EYA1: variants seen among roughly 807,000 people sequenced by gnomAD.
The protein encoded by EYA1 is protein phosphatase EYA1.
In EYA1, 16 loss-of-function variants were observed where a neutral mutation model predicts 82.0. The ratio of observed to expected loss-of-function variants is 0.20; its 90% confidence interval spans 0.13 to 0.30. EYA1 has a LOEUF of 0.30. EYA1 is among the 10% of genes least tolerant of loss of function. The pLI is 1.00. For synonymous variants in EYA1, 261 were observed against 264.4 expected, an observed-to-expected ratio of 0.99 and a Z score of 0.12; for missense variants, 633 against 730.7, an observed-to-expected ratio of 0.87 and a Z score of 1.54.
intron 2 of EYA1, among the ~76,000 whole-genome samples, chr8:71,487,427 C>T (rs893440378): frequency 3.9e-5 from 6 of 152,168 alleles, no homozygotes; most frequent in African/African-American, 1.4e-4. Flanking sequence ...CATACAATCA[C>T]AGCCTTATTC....
At chr8:71,297,168 A>C (rs963986495) in intron 9 of EYA1, among the ~76,000 whole-genome samples, 2 of 152,196 alleles carry the variant, frequency 1.3e-5, no homozygotes, top group Non-Finnish European at 2.9e-5. Flanking sequence ...TTACTTTTAC[A>C]ATACAAGCTA....
intron 2 of EYA1, among the ~76,000 whole-genome samples, chr8:71,522,270 T>C (rs1452887163): frequency 6.6e-6 from 1 of 152,176 alleles, no homozygotes; most frequent in Non-Finnish European, 1.5e-5. Flanking sequence ...CACTAGGTAA[T>C]AAATCATGAA....
At chr8:71,200,392 T>C (rs906071488) in intron 17 of EYA1, among the ~76,000 whole-genome samples, 1 of 152,182 alleles carries the variant, frequency 6.6e-6, no homozygotes, top group African/African-American at 2.4e-5. Context: ...TAGGTGACAG[T>C]GAAAGCCATG....
chr8:71,415,486 C>T (rs1267735102), intron 2 of EYA1, among the ~76,000 whole-genome samples: 2 of 152,190 alleles, frequency 1.3e-5, no homozygotes, highest in Non-Finnish European at 2.9e-5. Flanking sequence ...ACACAGAGAG[C>T]TAGTAAGGGT....
intron 12 of EYA1, among the ~76,000 whole-genome samples, chr8:71,218,522 A>G (rs1809487631): frequency 6.6e-6 from 1 of 152,124 alleles, no homozygotes; most frequent in African/African-American, 2.4e-5. Context: ...AAGGAGGAAA[A>G]GACTTTGACC....
At chr8:71,449,136 ACTTTC>A (rs1218712863) in intron 2 of EYA1, 23 of 165,278 alleles carry the variant, frequency 1.4e-4, no homozygotes, top group African/African-American at 5.3e-4. Context: ...TTTGGATTCT[ACTTTC>A]CTAGCTGGGA....
chr8:71,437,361 G>A (rs1017539034), intron 2 of EYA1, among the ~76,000 whole-genome samples: 1 of 151,838 alleles, frequency 6.6e-6, no homozygotes, highest in Non-Finnish European at 1.5e-5. Context: ...AGAAAGAGCA[G>A]AGTTCAAATT....
chr8:71,351,328 C>T (rs1373928234), intron 3 of EYA1, among the ~76,000 whole-genome samples: 1 of 152,166 alleles, frequency 6.6e-6, no homozygotes, highest in African/African-American at 2.4e-5. Context: ...CAAAAATATG[C>T]ATTAATTCAT....
At chr8:71,235,971 C>G (rs11785843) in intron 12 of EYA1, among the ~76,000 whole-genome samples, 61,473 of 152,028 alleles carry the variant, frequency 0.4, 13,912 homozygotes, top group African/African-American at 0.61. Flanking sequence ...AATATATCGT[C>G]GTGGCTTTTA....
chr8:71,385,311 A>C (rs1828915585), intron 2 of EYA1, among the ~76,000 whole-genome samples: 1 of 152,138 alleles, frequency 6.6e-6, no homozygotes, highest in Non-Finnish European at 1.5e-5. Context: ...GGGAGTGACC[A>C]AGTAGATGAG....
At chr8:71,379,806 C>T (rs1291843183) in intron 2 of EYA1, among the ~76,000 whole-genome samples, 1 of 150,636 alleles carries the variant, frequency 6.6e-6, no homozygotes, top group Non-Finnish European at 1.5e-5. Flanking sequence ...ACAGAGCACC[C>T]TTGGCATAAG....
At chr8:71,416,848 T>C (rs1830880050) in intron 2 of EYA1, among the ~76,000 whole-genome samples, 1 of 152,186 alleles carries the variant, frequency 6.6e-6, no homozygotes, top group Admixed American at 6.5e-5. Context: ...TGGTTAATAT[T>C]GAGTGTCACC....
chr8:71,393,739 T>G (rs1330572734), intron 2 of EYA1, among the ~76,000 whole-genome samples: 2 of 152,218 alleles, frequency 1.3e-5, no homozygotes, highest in African/African-American at 4.8e-5. Flanking sequence ...TTGTGAATAG[T>G]GCCACAATAA....
intron 2 of EYA1, chr8:71,530,754 G>T (rs1408822805): frequency 6.6e-6 from 1 of 152,138 alleles, no homozygotes; most frequent in Admixed American, 6.5e-5. Context: ...CCAAGTACAG[G>T]AATAACGTAC....
intron 2 of EYA1, among the ~76,000 whole-genome samples, chr8:71,496,520 A>G (rs527467186): frequency 9.6e-4 from 146 of 152,346 alleles, no homozygotes; most frequent in Middle Eastern, 3.4e-3. Context: ...ATAGGAAAAC[A>G]GATTATTCTG....
intron 9 of EYA1, among the ~76,000 whole-genome samples, chr8:71,273,927 C>T (rs1816838592): frequency 1.3e-5 from 2 of 152,164 alleles, no homozygotes; most frequent in African/African-American, 4.8e-5. Flanking sequence ...ATTTTGTTAG[C>T]CTAGATTTCC....
chr8:71,493,812 A>G (rs1339637319), intron 2 of EYA1, among the ~76,000 whole-genome samples: 1 of 150,522 alleles, frequency 6.6e-6, no homozygotes, highest in East Asian at 1.9e-4. Context: ...TCACGAGGTC[A>G]GGAGATCGAG....
intron 12 of EYA1, among the ~76,000 whole-genome samples, chr8:71,227,745 C>T (rs1810727872): frequency 6.6e-6 from 1 of 152,084 alleles, no homozygotes. Flanking sequence ...TGTTTAATGC[C>T]ATTACATGTC....
intron 2 of EYA1, among the ~76,000 whole-genome samples, chr8:71,496,467 A>AT (rs1811419705): frequency 6.6e-6 from 1 of 152,212 alleles, no homozygotes; most frequent in Non-Finnish European, 1.5e-5. Context: ...TGTAATTTCT[A>AT]TTTATATCTA....
Sources: gnomAD v4.1 joint callset for allele counts (sites outside exome capture counted in the v4.1 genomes callset) on GRCh38, gnomAD v4.1.1 for gene constraint, MANE v1.5 for transcripts, NCBI Gene and HGNC (gene_info 2026-07-23, HGNC 2026-07-21) for gene names.